The following SEMA5A variants were observed in gnomAD, a reference collection of about 807,000 sequenced individuals.
The protein encoded by SEMA5A is semaphorin-5A.
Under a neutral mutation model 135.5 loss-of-function variants are expected in SEMA5A, and 55 were observed. The ratio of observed to expected loss-of-function variants is 0.41; its 90% CI spans 0.33 to 0.51. The LOEUF (loss-of-function observed/expected upper bound fraction) is 0.51. SEMA5A is among the 20% of genes least tolerant of loss of function. SEMA5A has a pLI of 0.37. For synonymous variants in SEMA5A, 580 were observed against 546.5 expected (o/e 1.06, Z -0.85); for missense variants, 1,290 against 1,419.9 (o/e 0.91, Z 1.47).
At chr5:9,192,801 G>A (rs751914434) in intron 10 of SEMA5A, among the ~76,000 whole-genome samples, 9 of 152,318 alleles carry the variant, frequency 5.9e-5, no homozygotes, top group Admixed American at 1.3e-4. Context: ...CCCAAGTCAC[G>A]GCGGCAGTTA....
intron 11 of SEMA5A, among the ~76,000 whole-genome samples, chr5:9,163,133 T>C (rs1743386159): frequency 6.6e-6 from 1 of 152,012 alleles, no homozygotes; most frequent in Non-Finnish European, 1.5e-5. Flanking sequence ...CACAGAAAAC[T>C]AGTGTCTAAA....
chr5:9,219,496 G>A (rs552158068), intron 8 of SEMA5A, among the ~76,000 whole-genome samples: 39 of 152,276 alleles, frequency 2.6e-4, no homozygotes, highest in African/African-American at 8.7e-4. Flanking sequence ...CTTCAAGTGG[G>A]TAATTAGGTT....
chr5:9,167,402 T>C (rs1183743188), intron 11 of SEMA5A, among the ~76,000 whole-genome samples: 4 of 152,190 alleles, frequency 2.6e-5, no homozygotes, highest in African/African-American at 7.2e-5. Context: ...CCCCTTTGTA[T>C]CAAATCTGTC....
At chr5:9,497,733 G>A (rs1217056647) in intron 1 of SEMA5A, among the ~76,000 whole-genome samples, 1 of 152,184 alleles carries the variant, frequency 6.6e-6, no homozygotes, top group African/African-American at 2.4e-5. Context: ...AGGTCACACA[G>A]CAAGTAAGTG....
chr5:9,530,440 A>T (rs1267061731), intron 1 of SEMA5A, among the ~76,000 whole-genome samples: 1 of 152,238 alleles, frequency 6.6e-6, no homozygotes, highest in Non-Finnish European at 1.5e-5. Context: ...AAACTCTTCC[A>T]GTCTCAACCA....
In SEMA5A at chr5:9,386,778, C is replaced by T. The variant is rs138850734; in HGVS notation, c.-77-6755G>A. Among the ~76,000 whole-genome samples, 63 of 152,358 alleles carry T rather than the reference C, an allele frequency of 4.1e-4. 2 individuals are homozygous for T. The East Asian group carries it at 0.012, about 29-fold the overall frequency. ...TCTCTCTTTTATTGTAAACAATCTA[C>T]ACATAGTCCCAATGCCAAGTGTATG... On this transcript the variant is annotated intron_variant, in intron 2 of 22. Transcript: ENST00000382496.
chr5:9,286,906 G>A (rs1315904902), intron 5 of SEMA5A, among the ~76,000 whole-genome samples: 1 of 152,222 alleles, frequency 6.6e-6, no homozygotes, highest in African/African-American at 2.4e-5. Flanking sequence ...TCTGCACCTT[G>A]GACCAGAACT....
chr5:9,326,873 G>A (rs529622632), intron 4 of SEMA5A, among the ~76,000 whole-genome samples: 11 of 152,078 alleles, frequency 7.2e-5, no homozygotes, highest in East Asian at 1.9e-4. Context: ...ATTTAATATC[G>A]TGATCATATC....
chr5:9,510,947 G>C (rs894092181), intron 1 of SEMA5A, among the ~76,000 whole-genome samples: 8 of 152,158 alleles, frequency 5.3e-5, no homozygotes, highest in Admixed American at 2.0e-4. Flanking sequence ...GGCCTGCCAT[G>C]CCCATTCCAG....
intron 8 of SEMA5A, among the ~76,000 whole-genome samples, chr5:9,223,752 T>G (rs1747137752): frequency 6.6e-6 from 1 of 152,216 alleles, no homozygotes; most frequent in Admixed American, 6.5e-5. Context: ...TGTAGGTGTA[T>G]GTGTATGTGC....
intron 13 of SEMA5A, among the ~76,000 whole-genome samples, chr5:9,134,700 A>G (rs1741634184): frequency 6.6e-6 from 1 of 152,214 alleles, no homozygotes; most frequent in South Asian, 2.1e-4. Flanking sequence ...CAATGGCCTT[A>G]TTACTTAAGA....
At chr5:9,346,892 A>ATG (rs3086551) in intron 3 of SEMA5A, among the ~76,000 whole-genome samples, 6,283 of 149,396 alleles carry the variant, frequency 0.042, 208 homozygotes, top group East Asian at 0.11. Context: ...GTATATATAT[A>ATG]TGTGTGTGTG....
At chr5:9,410,995 T>A (rs201922467) in intron 2 of SEMA5A, among the ~76,000 whole-genome samples, 29 of 141,548 alleles carry the variant, frequency 2.0e-4, no homozygotes, top group Admixed American at 9.9e-4. Flanking sequence ...TTTTTTTTTT[T>A]AAATAAAGGC....
At chr5:9,477,332 T>C (rs1579604829) in intron 1 of SEMA5A, among the ~76,000 whole-genome samples, 1 of 152,204 alleles carries the variant, frequency 6.6e-6, no homozygotes, top group African/African-American at 2.4e-5. Flanking sequence ...AAGTGGGACA[T>C]TGCTATAAAT....
intron 1 of SEMA5A, among the ~76,000 whole-genome samples, chr5:9,469,809 A>C (rs754754538): frequency 2.6e-5 from 4 of 152,242 alleles, no homozygotes; most frequent in African/African-American, 9.6e-5. Context: ...GGCTTGCATT[A>C]AAAGCATTTT....
At chr5:9,452,998 C>G (rs1384700913) in intron 1 of SEMA5A, among the ~76,000 whole-genome samples, 1 of 152,310 alleles carries the variant, frequency 6.6e-6, no homozygotes, top group East Asian at 1.9e-4. Flanking sequence ...AATGCTGCAA[C>G]CACCACAGAT....
chr5:9,464,005 G>A (rs1318592), intron 1 of SEMA5A, among the ~76,000 whole-genome samples: 322 of 152,174 alleles, frequency 2.1e-3, no homozygotes, highest in Admixed American at 7.3e-3. Context: ...TCTAAACCTC[G>A]ACACTGTTGA....
At chr5:9,475,930 C>T (rs577442463) in intron 1 of SEMA5A, among the ~76,000 whole-genome samples, 3 of 152,262 alleles carry the variant, frequency 2.0e-5, no homozygotes, top group African/African-American at 7.2e-5. Context: ...ACTCATTTTA[C>T]AGAGGTAGCT....
In SEMA5A at chr5:9,054,193, G is replaced by A; in HGVS notation, c.2583C>T (p.His861=). The A allele has an allele frequency of 3.7e-6, 6 of 1,614,060 alleles. No individual in the cohort carries two copies. The highest frequency in any genetic ancestry group is 5.1e-6 in the Non-Finnish European group (6 of 1,180,000). The change falls in exon 19 of 23, where the codon CAC becomes CAT. Residue 861 remains histidine (H), a synonymous_variant. Coordinates refer to ENST00000382496, the MANE Select transcript of SEMA5A (RefSeq NM_003966.3). ...TGGAGCAAGAGCGGGTCCTCATATAGTGTCCACCGCCGCATGTTGCTGAAC... is the reference window on the plus strand; with the variant it reads ...TGGAGCAAGAGCGGGTCCTCATATAATGTCCACCGCCGCATGTTGCTGAAC... ...TKCSATCGGG[H]YMRTRSCSNP... is the part of the protein sequence containing the mutation.
Sources: allele counts gnomAD v4.1 joint callset (sites outside exome capture counted in the v4.1 genomes callset), GRCh38; gene constraint gnomAD v4.1.1; transcripts MANE v1.5; gene names NCBI Gene and HGNC (gene_info 2026-07-23, HGNC 2026-07-21).